Variants in AK9 observed in about 807,000 individuals in gnomAD.
The protein encoded by AK9 is adenylate kinase 9.
In AK9, 191 loss-of-function variants were observed where a neutral mutation model predicts 239.6. The observed-to-expected ratio is 0.80, with a 90% CI of 0.71 to 0.90. The LOEUF is 0.90. Among genes scored for constraint, AK9 ranks in the 40% least tolerant of loss-of-function variants. The pLI, the probability that AK9 is intolerant of heterozygous loss-of-function variation, is 0.00. For synonymous variants in AK9, 689 were observed against 721.0 expected, an observed-to-expected ratio of 0.96 and a Z score of 0.71; for missense variants, 1,995 against 2,214.7, an observed-to-expected ratio of 0.90 and a Z score of 1.99.
chr6:109,681,317 T>C (rs541833630), intron 1 of AK9, among the ~76,000 whole-genome samples: 1 of 152,250 alleles, frequency 6.6e-6, no homozygotes, highest in South Asian at 2.1e-4. Context: ...TAAAACAGAT[T>C]TGAAACCAAC....
chr6:109,672,138 C>T lies in AK9; in HGVS notation c.211G>A (p.Ala71Thr). The T allele has an allele frequency of 6.2e-7, 1 of 1,613,164 alleles. No individual in the cohort carries two copies. The highest frequency in any genetic ancestry group is 8.5e-7 in the Non-Finnish European group (1 of 1,179,570). The change falls in exon 4 of 41, where the codon GCT (alanine) becomes ACT (threonine). Residue 71 changes from alanine (A) to threonine (T), a missense_variant. By Grantham distance (58) the Ala-to-Thr change is moderately conservative. Around this residue, in one of 5 missense-constraint regions of AK9, gnomAD observed 252 missense variants for 246.4 expected, o/e 1.02. Transcript: ENST00000424296. ...ALPILEEQIA[A>T]ETESGVMLQS... is the part of the protein sequence containing the mutation. ...ACCATAACTCCTGATTCGGTTTCAG[C>T]AGCAATCTGTTCTTCTAAAATTGGC...
At chr6:109,624,169 T>C (rs1206680173) in intron 12 of AK9, among the ~76,000 whole-genome samples, 2 of 152,066 alleles carry the variant, frequency 1.3e-5, no homozygotes, top group Non-Finnish European at 2.9e-5. Context: ...TCCCTGGAGC[T>C]ATCTCTTCTG....
At chr6:109,531,805 G>A (rs1232340954) in intron 28 of AK9, among the ~76,000 whole-genome samples, 1 of 152,146 alleles carries the variant, frequency 6.6e-6, no homozygotes, top group African/African-American at 2.4e-5. Context: ...TGGCCTGAAC[G>A]TCATCAAGAA....
At chr6:109,595,964 A>G (rs1414670355) in intron 17 of AK9, among the ~76,000 whole-genome samples, 2 of 152,192 alleles carry the variant, frequency 1.3e-5, no homozygotes, top group Non-Finnish European at 2.9e-5. Context: ...ACAAACCTGC[A>G]CATTCTGCAC....
chr6:109,682,189 G>C (rs1772747223), intron 1 of AK9, among the ~76,000 whole-genome samples: 1 of 152,126 alleles, frequency 6.6e-6, no homozygotes, highest in African/African-American at 2.4e-5. Context: ...ACTTTGGGAG[G>C]CCTAGGTGGG....
chr6:109,494,661 G>A (rs1202974870), intron 39 of AK9: 2 of 152,246 alleles, frequency 1.3e-5, no homozygotes, highest in Non-Finnish European at 2.9e-5. Context: ...CAAGACTGAA[G>A]GCTAACCTTA....
intron 7 of AK9, among the ~76,000 whole-genome samples, chr6:109,658,142 T>G (rs1799950989): frequency 6.6e-6 from 1 of 152,186 alleles, no homozygotes; most frequent in Non-Finnish European, 1.5e-5. Flanking sequence ...TAGATAAATC[T>G]TTATATGGCT....
rs375392278 is a variant in AK9, at chr6:109,577,941, CTTTT to C, written c.2191+1605_2191+1608del. Among the ~76,000 whole-genome samples, 898 of 126,206 alleles carry C rather than the reference CTTTT, an allele frequency of 7.1e-3. 8 individuals carry two copies. Among genetic ancestry groups the C allele is most frequent in the African/African-American group, 0.025 (869 of 35,090 alleles). The allele number at this position is 126,206 out of a possible 152,430, so 82.8% of individuals were successfully genotyped here. On this transcript the variant is annotated intron_variant, in intron 20 of 40. Coordinates refer to ENST00000424296, the MANE Select transcript of AK9 (RefSeq NM_001145128.3). ...TTCTTTCTTTTCTTCCTTTCTTTCTCTTTTTTTTTTTCTTTTTAGATAGCCTGTT... is the reference window on the plus strand; with the variant it reads ...TTCTTTCTTTTCTTCCTTTCTTTCTCTTTTTTTCTTTTTAGATAGCCTGTT...
chr6:109,686,062 T>C (rs1475460258), intron 1 of AK9, among the ~76,000 whole-genome samples: 1 of 152,190 alleles, frequency 6.6e-6, no homozygotes, highest in Non-Finnish European at 1.5e-5. Context: ...TTTCAATCCC[T>C]ATCAAGAAAG....
At chr6:109,623,490 G>C (rs1035480033) in intron 12 of AK9, among the ~76,000 whole-genome samples, 8 of 152,066 alleles carry the variant, frequency 5.3e-5, no homozygotes, top group African/African-American at 1.7e-4. Context: ...TCATGTGATC[G>C]AGCCATCTTC....
At chr6:109,622,588 T>C (rs1012341526) in intron 12 of AK9, among the ~76,000 whole-genome samples, 3 of 146,118 alleles carry the variant, frequency 2.1e-5, no homozygotes, top group Non-Finnish European at 4.5e-5. Flanking sequence ...ATGCATAGTA[T>C]GCTATATATG....
At chr6:109,495,505 G>C (rs376557687) in intron 38 of AK9, 65 bp from the exon 39 acceptor site, 1 of 1,155,612 alleles carries the variant, frequency 8.7e-7, no homozygotes. Context: ...GATAGGAATA[G>C]ACAAGAGACT....
chr6:109,503,680 G>T (rs547292167), intron 35 of AK9, among the ~76,000 whole-genome samples: 21 of 152,320 alleles, frequency 1.4e-4, no homozygotes, highest in African/African-American at 5.1e-4. Flanking sequence ...TGTGAGAGAG[G>T]CAGGCACTGG....
intron 24 of AK9, among the ~76,000 whole-genome samples, chr6:109,555,246 T>C (rs1784858557): frequency 6.6e-6 from 1 of 152,210 alleles, no homozygotes; most frequent in Admixed American, 6.5e-5. Context: ...AACTTCTTGA[T>C]TTCTGCCTTA....
chr6:109,617,391 T>C (rs1386160787), intron 13 of AK9, among the ~76,000 whole-genome samples: 1 of 152,060 alleles, frequency 6.6e-6, no homozygotes, highest in African/African-American at 2.4e-5. Flanking sequence ...TGAGGGAGGA[T>C]TTATATTATC....
At chr6:109,634,996 A>G (rs1796537040) in intron 10 of AK9, among the ~76,000 whole-genome samples, 1 of 152,226 alleles carries the variant, frequency 6.6e-6, no homozygotes, top group Non-Finnish European at 1.5e-5. Flanking sequence ...TTTTGAATGA[A>G]TTTGATATTA....
chr6:109,545,142 C>A (rs1198061998), intron 26 of AK9, among the ~76,000 whole-genome samples: 2 of 152,258 alleles, frequency 1.3e-5, no homozygotes, highest in East Asian at 3.9e-4. Flanking sequence ...GCACAGCTGT[C>A]TGCATAGATT....
At chr6:109,555,751 C>T (rs75956895) in intron 24 of AK9, among the ~76,000 whole-genome samples, 1 of 152,170 alleles carries the variant, frequency 6.6e-6, no homozygotes, top group Admixed American at 6.5e-5. Flanking sequence ...GTTCCCTTTA[C>T]CATTATATAG....
intron 31 of AK9, among the ~76,000 whole-genome samples, chr6:109,514,895 G>A (rs1779114829): frequency 6.6e-6 from 1 of 152,158 alleles, no homozygotes; most frequent in Non-Finnish European, 1.5e-5. Flanking sequence ...TTTAATAAAG[G>A]AGGAAATTAA....
Sources: gnomAD v4.1 joint callset for allele counts (sites outside exome capture counted in the v4.1 genomes callset) on GRCh38, gnomAD v4.1.1 for gene constraint, gnomAD v4.1.1 regional missense constraint, MANE v1.5 for transcripts, NCBI Gene and HGNC (gene_info 2026-07-23, HGNC 2026-07-21) for gene names.